Variants in THG1L observed in about 807,000 individuals in gnomAD.
THG1L encodes the protein probable tRNA(His) guanylyltransferase.
In THG1L, 27 loss-of-function variants were observed where a neutral mutation model predicts 35.2. That is an observed-to-expected ratio of 0.77 (90% CI 0.57 to 1.06). THG1L has a LOEUF of 1.06. Ranked by LOEUF, THG1L falls within the 50% of genes least tolerant of loss-of-function variation. THG1L has a pLI of 0.00. For synonymous variants in THG1L, 135 were observed against 132.4 expected, an observed-to-expected ratio of 1.02 and a Z score of -0.14; for missense variants, 377 against 371.8, an observed-to-expected ratio of 1.01 and a Z score of -0.12.
At chr5:157,735,185 G>A (rs966702681) in intron 3 of THG1L, among the ~76,000 whole-genome samples, 16 of 152,286 alleles carry the variant, frequency 1.1e-4, no homozygotes, top group East Asian at 9.7e-4. Context: ...TGATCCACCC[G>A]CCTTGGCCTC....
chr5:157,740,237 A>G lies in THG1L; in HGVS notation c.*755A>G, dbSNP rs905645052. 6.6e-6 allele frequency: 1 copy of G among 152,252 alleles called. No individual in the cohort carries two copies. Among genetic ancestry groups the G allele is most frequent in the Admixed American group, 6.5e-5 (1 of 15,288 alleles). The allele number at this position is 152,252 out of a possible 1,614,324, so 9.4% of individuals were successfully genotyped here. On this transcript the variant is annotated 3_prime_UTR_variant, in exon 6 of 6. Transcript: ENST00000231198. ...AACAAGAATGCGTGAATGAGGATGA[A>G]GAAACATTTACCCCATGTACTCAAG...
chr5:157,731,448 G>A lies in THG1L; in HGVS notation c.8G>A (p.Gly3Asp). The stretch of plus-strand genomic sequence containing the variant: ...TTCCTTTCCGCGTGTAGAATGTGGG[G>A]CGCCTGTAAAGTTAAGGTTCACGAT... MW[G>D]ACKVKVHDSL... Residue 3 changes from glycine to aspartate, a missense_variant, in exon 1 of 6, where the codon GGC becomes GAC. Transcript: ENST00000231198. 1 of 1,596,276 alleles carries A rather than the reference G, an allele frequency of 6.3e-7. No individual in the cohort carries two copies. Among genetic ancestry groups the A allele is most frequent in the Non-Finnish European group, 8.5e-7 (1 of 1,170,066 alleles).
chr5:157,731,766 G>C, intron 1 of THG1L, 135 bp downstream of exon 1: 1 of 1,148,148 alleles, frequency 8.7e-7, no homozygotes, highest in Non-Finnish European at 1.2e-6. Context: ...GCGCAGCATG[G>C]AGCATTGCCC....
At chr5:157,733,828 C>T (rs75779509) in intron 2 of THG1L, among the ~76,000 whole-genome samples, 13 of 151,902 alleles carry the variant, frequency 8.6e-5, no homozygotes, top group Non-Finnish European at 1.3e-4. Context: ...AAAAATTAGC[C>T]GGGCTCAGTG....
rs1440393711 is a variant in THG1L, at chr5:157,732,927, C to A, written c.251C>A (p.Thr84Asn). ...PNDSRALQLM[T>N]KCAQTVMEEL... is the part of the protein sequence containing the mutation. ...GACAGCCGTGCTCTCCAGCTGATGA[C>A]CAAATGTGCGCAGACTGTGATGGAA... Residue 84 changes from threonine to asparagine, a missense_variant, in exon 2 of 6, where the codon ACC becomes AAC. Thr to Asn is a moderately conservative substitution (Grantham distance 65, BLOSUM62 0). Coordinates refer to ENST00000231198, the MANE Select transcript of THG1L (RefSeq NM_017872.5). 6.2e-7 allele frequency: 1 copy of A among 1,614,178 alleles called. No homozygotes were observed.
chr5:157,739,193 CTA>C, intron 5 of THG1L, 126 bp from the exon 6 acceptor site: 1 of 708,134 alleles, frequency 1.4e-6, no homozygotes, highest in Non-Finnish European at 2.3e-6. Context: ...ATATTTATAT[CTA>C]TATATATCTC....
rs1455362833 is a variant in THG1L, at chr5:157,739,324, G to A, written c.739G>A (p.Asp247Asn). ...ACTACTTTATTTTTACCTGTAGGTGGATGAAGTGATGACAAAAGAAATTAA... is the reference window on the plus strand; with the variant it reads ...ACTACTTTATTTTTACCTGTAGGTGAATGAAGTGATGACAAAAGAAATTAA... ...KGTVLIWQKVDEVMTKEIKLP... is the reference protein window; with the variant it reads ...KGTVLIWQKVNEVMTKEIKLP... Residue 247 changes from aspartate (D) to asparagine (N), a missense_variant, in exon 6 of 6, where the codon GAT (aspartate) becomes AAT (asparagine). Transcript: ENST00000231198. The A allele has an allele frequency of 1.2e-6, 2 of 1,612,898 alleles. No homozygotes were observed. Among genetic ancestry groups the A allele is most frequent in the Non-Finnish European group, 8.5e-7 (1 of 1,179,386 alleles).
At chr5:157,735,062 C>G (rs1489816309) in intron 3 of THG1L, among the ~76,000 whole-genome samples, 1 of 151,850 alleles carries the variant, frequency 6.6e-6, no homozygotes, top group African/African-American at 2.4e-5. Flanking sequence ...CTCAGCCTCC[C>G]GAGTAGCTGG....
intron 5 of THG1L, 130 bp downstream of exon 5, chr5:157,738,124 G>A (rs1760931549): frequency 5.9e-6 from 4 of 672,878 alleles, no homozygotes; most frequent in South Asian, 5.4e-5. Context: ...CTTTCCAAGA[G>A]GAGAGGCCAT....
Position 157,739,564 on chromosome 5 carries a change from C to A in THG1L, c.*82C>A. 1 of 1,493,014 alleles carries A rather than the reference C, an allele frequency of 6.7e-7. No homozygotes were observed. The allele number at this position is 1,493,014 out of a possible 1,614,324, so 92.5% of individuals were successfully genotyped here. ...GGCTCCTTGCCTTAGGTGGCTGTAG[C>A]ATCCCTACCACCCAGGACACTGGTG... On this transcript the variant is annotated 3_prime_UTR_variant, in exon 6 of 6. Coordinates refer to ENST00000231198, the MANE Select transcript of THG1L (RefSeq NM_017872.5).
At chr5:157,734,485 C>A in intron 2 of THG1L, 91 bp from the exon 3 acceptor site, 1 of 1,488,250 alleles carries the variant, frequency 6.7e-7, no homozygotes, top group Non-Finnish European at 9.2e-7. Flanking sequence ...TGTGTACTCT[C>A]TGTGGTACCC....
chr5:157,738,420 A>G (rs993411285), intron 5 of THG1L, among the ~76,000 whole-genome samples: 2 of 152,122 alleles, frequency 1.3e-5, no homozygotes, highest in Admixed American at 1.3e-4. Flanking sequence ...AGGGTTTGTT[A>G]TTTTCGTAAA....
intron 5 of THG1L, among the ~76,000 whole-genome samples, 175 bp downstream of exon 5, chr5:157,738,169 T>C (rs765005076): frequency 6.6e-6 from 1 of 152,228 alleles, no homozygotes; most frequent in Non-Finnish European, 1.5e-5. Flanking sequence ...TTGTCAGTAG[T>C]GGTCCGAAAT....
In THG1L at chr5:157,738,002, T is replaced by G; in HGVS notation, c.735+8T>G. On this transcript the variant is annotated splice_region_variant and intron_variant, in intron 5 of 5. Transcript: ENST00000231198. ...GTGTTGATATGGCAGAAGGTAATGC[T>G]GTTATGTTCAAAGAAAAATGGAAGT... 1.2e-6 allele frequency: 2 copies of G among 1,600,782 alleles called. No individual in the cohort carries two copies. The highest frequency in any genetic ancestry group is 1.7e-4 in the Middle Eastern group (1 of 6,034).
chr5:157,738,588 TG>T (rs764380866), intron 5 of THG1L: 5 of 423,120 alleles, frequency 1.2e-5, no homozygotes, highest in East Asian at 1.4e-4. Flanking sequence ...AAAGTTTTTT[TG>T]TTTTTTTTTT....
At position 157,738,007 on chromosome 5, in the gene THG1L, T is replaced by C. The variant is rs375528691; in HGVS notation, c.735+13T>C. On this transcript the variant is annotated intron_variant, in intron 5 of 5. Transcript: ENST00000231198. ...GATATGGCAGAAGGTAATGCTGTTA[T>C]GTTCAAAGAAAAATGGAAGTCAGGA... The C allele has an allele frequency of 7.3e-4, 1,169 of 1,596,846 alleles. No homozygotes were observed. The highest frequency in any genetic ancestry group is 9.2e-4 in the Non-Finnish European group (1,077 of 1,167,816).
rs914032268 is a variant in THG1L, at chr5:157,740,931, C to G, written c.*1449C>G. On this transcript the variant is annotated 3_prime_UTR_variant, in exon 6 of 6. Transcript: ENST00000231198. ...AAAAAAAAAAAAAGACATGGCTGGG[C>G]ATGGTGGCTCACACCTGTAATCCCA... 4.1e-5 allele frequency: 6 copies of G among 146,330 alleles called. No individual in the cohort carries two copies. The highest frequency in any genetic ancestry group is 2.7e-4 in the Admixed American group (4 of 14,614). The allele number at this position is 146,330 out of a possible 1,614,324, so 9.1% of individuals were successfully genotyped here. A position where few individuals can be genotyped will look rare whatever the true frequency, so the allele number is the denominator to read the frequency against.
intron 3 of THG1L, among the ~76,000 whole-genome samples, chr5:157,735,078 C>T (rs759987797): frequency 6.6e-6 from 1 of 152,034 alleles, no homozygotes; most frequent in Non-Finnish European, 1.5e-5. Context: ...GCTGGGATTA[C>T]AGGCATGTGC....
At chr5:157,731,932 C>A (rs1022842269) in intron 1 of THG1L, among the ~76,000 whole-genome samples, 1 of 152,196 alleles carries the variant, frequency 6.6e-6, no homozygotes, top group Non-Finnish European at 1.5e-5. Flanking sequence ...CACTCTCATG[C>A]ACAATATTTA....
Sources: gnomAD v4.1 joint callset for allele counts (sites outside exome capture counted in the v4.1 genomes callset) on GRCh38, gnomAD v4.1.1 for gene constraint, MANE v1.5 for transcripts, NCBI Gene and HGNC (gene_info 2026-07-23, HGNC 2026-07-21) for gene names.